Variants in PM20D1 observed in about 807,000 individuals in gnomAD.
The protein encoded by PM20D1 is peptidase M20 domain containing 1, also known as N-fatty-acyl-amino acid synthase/hydrolase PM20D1.
Under a neutral mutation model 53.8 loss-of-function variants are expected in PM20D1, and 53 were observed. That is an observed-to-expected ratio of 0.98 (90% CI 0.79 to 1.24). PM20D1 has a LOEUF of 1.24. Among genes scored for constraint, PM20D1 ranks in the 50% most tolerant of loss-of-function variants. PM20D1 has a pLI of 0.00. For synonymous variants in PM20D1, 239 were observed against 241.3 expected, an observed-to-expected ratio of 0.99 and a Z score of 0.09; for missense variants, 564 against 616.8, an observed-to-expected ratio of 0.91 and a Z score of 0.91.
rs116106164 is a variant in PM20D1 at position 205,849,651 on chromosome 1, A to G, written c.169+253T>C. Among the ~76,000 whole-genome samples, 207 of 152,180 alleles carry G rather than the reference A, an allele frequency of 1.4e-3. 1 individual carries two copies. Among genetic ancestry groups the G allele is most frequent in the African/African-American group, 4.9e-3 (202 of 41,526 alleles). On this transcript the variant is annotated intron_variant, in intron 1 of 12. Coordinates refer to ENST00000367136, the MANE Select transcript of PM20D1 (RefSeq NM_152491.5). Reference sequence around the variant, plus strand: ...GAAAGAATGGACGGTGGTCACGCCAAGAGGGGTGAAGTTGGAGCTTCCAGG... The same window carrying G: ...GAAAGAATGGACGGTGGTCACGCCAGGAGGGGTGAAGTTGGAGCTTCCAGG...
chr1:205,837,174 C>T (rs549558755), intron 10 of PM20D1, among the ~76,000 whole-genome samples: 1 of 152,288 alleles, frequency 6.6e-6, no homozygotes, highest in South Asian at 2.1e-4. Flanking sequence ...CACCATTCTC[C>T]CAAATGCTTA....
intron 4 of PM20D1, 73 bp from the exon 5 acceptor site, chr1:205,844,290 C>T (rs960417137): frequency 2.1e-6 from 3 of 1,459,782 alleles, no homozygotes; most frequent in Non-Finnish European, 2.7e-6. Context: ...TAATGGGGAC[C>T]TATTCAGCCT....
In PM20D1 at chr1:205,847,632, T is replaced by C. The variant is rs1657020540; in HGVS notation, c.256+253A>G. Among the ~76,000 whole-genome samples the C allele has an allele frequency of 5.9e-5, 9 of 151,892 alleles. No individual in the cohort carries two copies. In the South Asian group the frequency reaches 1.9e-3, roughly 32 times the overall value. ...TACTTTTTGATGATTTAACATTTAT[T>C]GAATGACACACATGTAGGGCAAAAT... On this transcript the variant is annotated intron_variant, in intron 2 of 12. Coordinates refer to ENST00000367136, the MANE Select transcript of PM20D1 (RefSeq NM_152491.5).
intron 10 of PM20D1, among the ~76,000 whole-genome samples, chr1:205,839,108 G>A (rs554977496): frequency 6.6e-6 from 1 of 152,236 alleles, no homozygotes; most frequent in South Asian, 2.1e-4. Context: ...ACAGATTAGG[G>A]CCCAAACTCC....
chr1:205,847,540 G>T (rs1244337562), intron 2 of PM20D1, among the ~76,000 whole-genome samples: 21 of 137,418 alleles, frequency 1.5e-4, no homozygotes, highest in African/African-American at 5.0e-4. Context: ...TGTGTAAGGA[G>T]GTAGGGGTGG....
At chr1:205,828,852 G>T in intron 12 of PM20D1, 109 bp from the exon 13 acceptor site, 1 of 1,389,354 alleles carries the variant, frequency 7.2e-7, no homozygotes, top group East Asian at 2.5e-5. Flanking sequence ...GGAAACTACT[G>T]GCCCTCCAGG....
chr1:205,844,759 TC>T, intron 4 of PM20D1, 51 bp downstream of exon 4: 12 of 1,547,156 alleles, frequency 7.8e-6, no homozygotes, highest in Non-Finnish European at 1.1e-5. Flanking sequence ...AAGCACCCAC[TC>T]CCCTACCCTC....
intron 2 of PM20D1, 137 bp from the exon 3 acceptor site, chr1:205,845,694 A>C (rs1656940215): frequency 2.9e-6 from 2 of 686,694 alleles, no homozygotes; most frequent in East Asian, 5.5e-5. Flanking sequence ...TTCTAGGACA[A>C]AGCTAGTCTG....
At chr1:205,840,171 G>C in intron 10 of PM20D1, 81 bp downstream of exon 10, 1 of 1,299,434 alleles carries the variant, frequency 7.7e-7, no homozygotes, top group South Asian at 1.4e-5. Flanking sequence ...ACCAGCCCTA[G>C]GACTGTAGTT....
intron 1 of PM20D1, 138 bp from the exon 2 acceptor site, chr1:205,848,109 ATTG>A: frequency 1.3e-6 from 1 of 790,990 alleles, no homozygotes; most frequent in South Asian, 1.6e-5. Context: ...GGTAGGCGCT[ATTG>A]TTTCCTCTAA....
intron 9 of PM20D1, 141 bp from the exon 10 acceptor site, chr1:205,840,464 G>A: frequency 1.5e-6 from 1 of 656,878 alleles, no homozygotes; most frequent in East Asian, 2.8e-5. Flanking sequence ...TTTCTAGTCT[G>A]CCTCTTGTCT....
At position 205,845,313 on chromosome 1, in the gene PM20D1, TG is replaced by T. The variant is rs1361207158; in HGVS notation, c.489+11del. The T allele has an allele frequency of 6.2e-7, 1 of 1,610,488 alleles. No individual in the cohort carries two copies. Among genetic ancestry groups the T allele is most frequent in the African/African-American group, 1.3e-5 (1 of 74,844 alleles). ...TAGGGCCCCAAGGCAGAGGGAACAT[TG>T]CATCTCAGACCATCACAGAGTTCTT... On this transcript the variant is annotated intron_variant, in intron 3 of 12. Coordinates refer to ENST00000367136, the MANE Select transcript of PM20D1 (RefSeq NM_152491.5).
At chr1:205,842,313 C>T (rs1656830755) in intron 7 of PM20D1, 98 bp from the exon 8 acceptor site, 1 of 1,114,258 alleles carries the variant, frequency 9.0e-7, no homozygotes, top group Non-Finnish European at 1.4e-6. Flanking sequence ...CCTCAGGGGC[C>T]CTTAGCAGTC....
intron 10 of PM20D1, among the ~76,000 whole-genome samples, chr1:205,836,107 C>T (rs985917885): frequency 5.3e-5 from 8 of 152,174 alleles, no homozygotes; most frequent in Admixed American, 5.2e-4. Context: ...AACTCCTGAC[C>T]TTGTGATCTG....
intron 2 of PM20D1, among the ~76,000 whole-genome samples, chr1:205,846,882 C>T (rs1201300237): frequency 6.6e-6 from 1 of 151,912 alleles, no homozygotes; most frequent in African/African-American, 2.4e-5. Flanking sequence ...TGTCACTATA[C>T]ATTTCCTTTC....
chr1:205,843,524 C>T, intron 6 of PM20D1, 143 bp downstream of exon 6: 1 of 1,211,814 alleles, frequency 8.3e-7, no homozygotes, highest in Non-Finnish European at 1.1e-6. Flanking sequence ...CCCTTCTGTT[C>T]TTCCTCTAGT....
At chr1:205,848,332 T>C (rs1432807874) in intron 1 of PM20D1, among the ~76,000 whole-genome samples, 2 of 152,226 alleles carry the variant, frequency 1.3e-5, no homozygotes, top group Non-Finnish European at 2.9e-5. Flanking sequence ...TCACTACCTC[T>C]GAAATCACCA....
At position 205,849,967 on chromosome 1, in the gene PM20D1, C is replaced by T; in HGVS notation, c.106G>A (p.Ala36Thr). The change falls in exon 1 of 13, where the codon GCG (alanine) becomes ACG (threonine). Residue 36 changes from alanine (A) to threonine (T), a missense_variant. Transcript: ENST00000367136. ...MGPRSGEHQR[A>T]SRIPSQFSKE... ...CTGAACTGAGAAGGGATTCGCGACG[C>T]CCTTTGATGCTCCCCGCTCCTCGGG... is the stretch of plus-strand genomic sequence containing the variant. 1.2e-6 allele frequency: 2 copies of T among 1,614,128 alleles called. No homozygotes were observed. The highest frequency in any genetic ancestry group is 1.7e-6 in the Non-Finnish European group (2 of 1,180,012).
At chr1:205,849,796 C>T in intron 1 of PM20D1, 108 bp downstream of exon 1, 1 of 1,412,154 alleles carries the variant, frequency 7.1e-7, no homozygotes, top group Non-Finnish European at 9.6e-7. Flanking sequence ...GTCGGGGCTC[C>T]AGCTGCAGTA....
Sources: gnomAD v4.1 joint callset for allele counts (sites outside exome capture counted in the v4.1 genomes callset) on GRCh38, gnomAD v4.1.1 for gene constraint, MANE v1.5 for transcripts, NCBI Gene and HGNC (gene_info 2026-07-23, HGNC 2026-07-21) for gene names.